Variants in BMP7 observed in about 807,000 individuals in gnomAD.
BMP7 encodes bone morphogenetic protein 7, also known as osteogenic protein 1.
In BMP7, 12 loss-of-function variants were observed where a neutral mutation model predicts 41.2. That is an observed-to-expected ratio of 0.29 (90% CI 0.19 to 0.47). The LOEUF (loss-of-function observed/expected upper bound fraction) is 0.47, where lower values mean the gene tolerates loss of function less well. BMP7 is among the 20% of genes least tolerant of loss of function. The pLI is 0.99. For missense variants in BMP7, 467 were observed against 606.0 expected, an observed-to-expected ratio of 0.77 and a Z score of 2.41; for synonymous variants, 248 against 250.0, an observed-to-expected ratio of 0.99 and a Z score of 0.07.
In BMP7 at chr20:57,215,220, G is replaced by T. The variant is rs564572091; in HGVS notation, c.612-12597C>A. ...ACAGGCCTGGCTATGGAACCAGGGGGCTGTCAAATTACCTCAAATTGACCC... is the reference window on the plus strand; with the variant it reads ...ACAGGCCTGGCTATGGAACCAGGGGTCTGTCAAATTACCTCAAATTGACCC... On this transcript the variant is annotated intron_variant, in intron 2 of 6. Transcript: ENST00000395863. This position sits in a 1 kb window ranked among gnomAD's most constrained non-coding sequence, Gnocchi z 4.2. 3.3e-5 allele frequency among the ~76,000 whole-genome samples: 5 copies of T among 152,228 alleles called. No individual in the cohort carries two copies. The East Asian group carries it at 9.7e-4, about 29-fold the overall frequency.
Position 57,214,109 on chromosome 20 carries a change from C to T in BMP7, c.612-11486G>A, listed in dbSNP as rs1241441235. Among the ~76,000 whole-genome samples, 1 of 152,188 alleles carries T rather than the reference C, an allele frequency of 6.6e-6. No individual in the cohort carries two copies. Among genetic ancestry groups the T allele is most frequent in the Non-Finnish European group, 1.5e-5 (1 of 68,034 alleles). ...GCGAGCCCTCTGAACCGTATGGTAC[C>T]TGAGAGGCGAGCACTGTTGTCCCCT... On this transcript the variant is annotated intron_variant, in intron 2 of 6. Coordinates refer to ENST00000395863, the MANE Select transcript of BMP7 (RefSeq NM_001719.3). The surrounding 1 kb of genome is among the most constrained non-coding windows in gnomAD (Gnocchi z 4.0).
At chr20:57,249,690 A>G (rs2066104517) in intron 1 of BMP7, among the ~76,000 whole-genome samples, 2 of 152,178 alleles carry the variant, frequency 1.3e-5, no homozygotes, top group South Asian at 2.1e-4. Context: ...AGGCATCTCC[A>G]ATGAATTACA....
intron 4 of BMP7, among the ~76,000 whole-genome samples, chr20:57,178,269 G>A (rs1935155840): frequency 2.0e-5 from 3 of 152,192 alleles, no homozygotes; most frequent in Admixed American, 6.5e-5. Context: ...GAGGATCAGA[G>A]GCAGGCACTG....
In BMP7 at chr20:57,197,189, C is replaced by T. The variant is rs542289633; in HGVS notation, c.760+5286G>A. Among the ~76,000 whole-genome samples the T allele has an allele frequency of 6.6e-5, 10 of 152,046 alleles. No homozygotes were observed. In the South Asian group the frequency reaches 1.9e-3, roughly 28 times the overall value. On this transcript the variant is annotated intron_variant, in intron 3 of 6. Transcript: ENST00000395863. ...TGTTGGGATTATAGGCATGAGCCAC[C>T]GCACCCGGCCCTAATTTTTTTTTTT...
intron 1 of BMP7, among the ~76,000 whole-genome samples, chr20:57,260,775 C>T (rs185235835): frequency 4.3e-4 from 65 of 152,370 alleles, no homozygotes; most frequent in Non-Finnish European, 8.1e-4. Flanking sequence ...GCCCTAACCC[C>T]GGTGACAGTG....
chr20:57,249,053 G>A (rs141881600), intron 1 of BMP7, among the ~76,000 whole-genome samples: 1,554 of 151,960 alleles, frequency 0.01, 23 homozygotes, highest in African/African-American at 0.035. Context: ...TGCCCGCCTC[G>A]GCCTCCCAAA....
chr20:57,246,714 T>C (rs1267353695), intron 1 of BMP7, among the ~76,000 whole-genome samples: 2 of 152,032 alleles, frequency 1.3e-5, no homozygotes, highest in Non-Finnish European at 2.9e-5. Flanking sequence ...ACAGGCTGGG[T>C]GCGGTGGCTC....
chr20:57,212,661 T>C (rs905065619), intron 2 of BMP7, among the ~76,000 whole-genome samples: 1 of 152,162 alleles, frequency 6.6e-6, no homozygotes, highest in Non-Finnish European at 1.5e-5. Flanking sequence ...CATGATGTCA[T>C]GGAGGGAGCA....
rs758939521 is a variant in BMP7 at position 57,173,224 on chromosome 20, G to C, written c.1122C>G (p.Thr374=). 6.2e-7 allele frequency: 1 copy of C among 1,614,144 alleles called. No individual in the cohort carries two copies. The highest frequency in any genetic ancestry group is 8.5e-7 in the Non-Finnish European group (1 of 1,180,012). ...CCAGCGTCTGCACGATGGCGTGGTT[G>C]GTGGCGTTCATGTAGGAGTTCAGAG... ...AFPLNSYMNA[T]NHAIVQTLVH... is the part of the protein sequence containing the mutation. The change falls in exon 6 of 7, where the codon ACC becomes ACG. Residue 374 remains threonine (T), a synonymous_variant. Coordinates refer to ENST00000395863, the MANE Select transcript of BMP7 (RefSeq NM_001719.3).
intron 1 of BMP7, among the ~76,000 whole-genome samples, chr20:57,245,790 C>T (rs971053403): frequency 2.0e-5 from 3 of 152,012 alleles, no homozygotes; most frequent in African/African-American, 7.3e-5. Flanking sequence ...AGGCGCCCGC[C>T]ACCACGCCCA....
chr20:57,230,049 A>G (rs1270282140), intron 1 of BMP7, among the ~76,000 whole-genome samples: 2 of 152,120 alleles, frequency 1.3e-5, no homozygotes, highest in Non-Finnish European at 2.9e-5. Flanking sequence ...CTGTCTTTGG[A>G]GAGACCTCGG....
chr20:57,242,896 G>A (rs1175217107), intron 1 of BMP7, among the ~76,000 whole-genome samples: 4 of 152,028 alleles, frequency 2.6e-5, no homozygotes, highest in Non-Finnish European at 2.9e-5. Flanking sequence ...CCAGATACTC[G>A]GGAGGCTGAG....
At chr20:57,200,743 C>T (rs924830462) in intron 3 of BMP7, among the ~76,000 whole-genome samples, 8 of 152,212 alleles carry the variant, frequency 5.3e-5, no homozygotes, top group African/African-American at 1.7e-4. Flanking sequence ...TATAGTGAAT[C>T]GAGATCGTGC....
intron 1 of BMP7, among the ~76,000 whole-genome samples, chr20:57,255,821 A>AG (rs1555818258): frequency 4.7e-5 from 7 of 149,990 alleles, no homozygotes; most frequent in East Asian, 3.9e-4. Flanking sequence ...AAAAAAAAAA[A>AG]AAAGAAAGAA....
intron 1 of BMP7, among the ~76,000 whole-genome samples, chr20:57,232,852 T>TACAC (rs60368986): frequency 0.031 from 4,219 of 138,056 alleles, 69 homozygotes; most frequent in African/African-American, 0.037. Context: ...AGTCATGAAG[T>TACAC]ACACACACAC....
chr20:57,175,601 G>T (rs1018936409), intron 4 of BMP7, among the ~76,000 whole-genome samples: 3 of 152,194 alleles, frequency 2.0e-5, no homozygotes, highest in Non-Finnish European at 2.9e-5. Flanking sequence ...GATACAGGGG[G>T]TTTTCCAGAA....
At chr20:57,205,559 G>C (rs752342081) in intron 2 of BMP7, among the ~76,000 whole-genome samples, 2 of 152,132 alleles carry the variant, frequency 1.3e-5, no homozygotes, top group African/African-American at 2.4e-5. Context: ...ACTGAATCAG[G>C]CTCCCAAGGC....
Position 57,214,674 on chromosome 20 carries a change from G to A in BMP7, c.612-12051C>T, listed in dbSNP as rs1480379523. On this transcript the variant is annotated intron_variant, in intron 2 of 6. Coordinates refer to ENST00000395863, the MANE Select transcript of BMP7 (RefSeq NM_001719.3). This position sits in a 1 kb window ranked among gnomAD's most constrained non-coding sequence, Gnocchi z 4.0. ...GCCTGTTCTTGAGCATCCCAGGGAA[G>A]CGTCCACTGATGCCCTAATGGTGCA... 6.6e-6 allele frequency among the ~76,000 whole-genome samples: 1 copy of A among 152,186 alleles called. No homozygotes were observed. Among genetic ancestry groups the A allele is most frequent in the Non-Finnish European group, 1.5e-5 (1 of 68,038 alleles).
chr20:57,213,976 G>A lies in BMP7; in HGVS notation c.612-11353C>T, dbSNP rs374049845. On this transcript the variant is annotated intron_variant, in intron 2 of 6. Transcript: ENST00000395863. The surrounding 1 kb of genome is among the most constrained non-coding windows in gnomAD (Gnocchi z 4.4). The stretch of plus-strand genomic sequence containing the variant: ...GGTTGGAGCAAACCTCAATGTCAGT[G>A]TGAATCTTCCACCATGGGATTCAAG... Among the ~76,000 whole-genome samples the A allele has an allele frequency of 3.9e-5, 6 of 152,336 alleles. No homozygotes were observed. In the East Asian group the frequency reaches 9.7e-4, roughly 25 times the overall value.
Sources: gnomAD v4.1 joint callset for allele counts (sites outside exome capture counted in the v4.1 genomes callset) on GRCh38, gnomAD v4.1.1 for gene constraint, Gnocchi (gnomAD v3.1) non-coding constraint, MANE v1.5 for transcripts, NCBI Gene and HGNC (gene_info 2026-07-23, HGNC 2026-07-21) for gene names.